The following TANC2 variants were observed in gnomAD, a reference collection of about 807,000 sequenced individuals.
The protein encoded by TANC2 is protein TANC2.
TANC2 carries 26 observed loss-of-function variants against 210.5 expected under a neutral mutation model. That is an observed-to-expected ratio of 0.12 (90% CI 0.09 to 0.17). The LOEUF is 0.17. Among genes scored for constraint, TANC2 ranks in the 10% least tolerant of loss-of-function variants. The pLI, the probability that TANC2 is intolerant of heterozygous loss-of-function variation, is 1.00. For missense variants in TANC2, 2,129 were observed against 2,608.9 expected (o/e 0.82, Z 4.01); for synonymous variants, 931 against 967.1 (o/e 0.96, Z 0.69).
At position 62,998,630 on chromosome 17, in the gene TANC2, A is replaced by G. The variant is rs140756727; in HGVS notation, c.-23-10907A>G. ...TCTTAAAGAAAAGAAATTCTAACCA[A>G]ACATTTCCTATGTAGCCAAACTAAG... is the stretch of plus-strand genomic sequence containing the variant. On this transcript the variant is annotated intron_variant, in intron 1 of 27. Coordinates refer to ENST00000689528, the Ensembl canonical transcript of TANC2. Among the ~76,000 whole-genome samples the G allele has an allele frequency of 1.2e-3, 187 of 152,330 alleles. 2 individuals carry two copies. Among genetic ancestry groups the G allele is most frequent in the Non-Finnish European group, 1.6e-4 (11 of 68,020 alleles).
At chr17:63,259,777 G>C (rs2043303249) in intron 8 of TANC2, among the ~76,000 whole-genome samples, 1 of 152,006 alleles carries the variant, frequency 6.6e-6, no homozygotes, top group African/African-American at 2.4e-5. Context: ...GATTTTATTT[G>C]AATTTTGCTT....
chr17:63,300,036 A>C (rs1308558755), intron 9 of TANC2, among the ~76,000 whole-genome samples: 3 of 152,076 alleles, frequency 2.0e-5, no homozygotes, highest in African/African-American at 7.2e-5. Context: ...TTATTAAATA[A>C]GGAGTCCTTT....
intron 14 of TANC2, among the ~76,000 whole-genome samples, chr17:63,370,128 C>G (rs2047221671): frequency 6.6e-6 from 1 of 151,914 alleles, no homozygotes; most frequent in African/African-American, 2.4e-5. Flanking sequence ...TGTTTCTGCC[C>G]ATTTTCACTG....
intron 3 of TANC2, among the ~76,000 whole-genome samples, chr17:63,098,485 C>CACA (rs1491274728): frequency 4.1e-5 from 3 of 73,598 alleles, no homozygotes; most frequent in Non-Finnish European, 7.4e-5. Context: ...CACACATACA[C>CACA]TCTCTCTCTC....
intron 2 of TANC2, among the ~76,000 whole-genome samples, chr17:63,021,478 T>C (rs1355256702): frequency 6.6e-6 from 1 of 152,214 alleles, no homozygotes; most frequent in Non-Finnish European, 1.5e-5. Context: ...CAAATGTGCC[T>C]GCTTGACCTT....
intron 13 of TANC2, among the ~76,000 whole-genome samples, chr17:63,351,661 A>G (rs1353654160): frequency 2.0e-5 from 3 of 152,168 alleles, no homozygotes; most frequent in African/African-American, 7.2e-5. Flanking sequence ...TCAAAATAGC[A>G]TGAAAAGAAA....
rs779654816 is a variant in TANC2 at position 63,420,471 on chromosome 17, C to T, written c.4741C>T (p.His1581Tyr). 8.1e-6 allele frequency: 13 copies of T among 1,614,012 alleles called. No homozygotes were observed. In the South Asian group the frequency reaches 1.4e-4, roughly 18 times the overall value. Reference sequence around the variant, plus strand: ...CCTTTCTCCAACTCATCAGAACTCACATTACAGGCCTAGCCCACCACACAC... The same window carrying T: ...CCTTTCTCCAACTCATCAGAACTCATATTACAGGCCTAGCCCACCACACAC... Residue 1581 changes from histidine (H) to tyrosine (Y), a missense_variant, in exon 28 of 28, where the codon CAT (histidine) becomes TAT (tyrosine). Coordinates refer to ENST00000689528, the Ensembl canonical transcript of TANC2. This position sits in a 1 kb window ranked among gnomAD's most constrained non-coding sequence, Gnocchi z 4.2.
At chr17:63,204,258 A>C (rs1598600855) in intron 7 of TANC2, among the ~76,000 whole-genome samples, 1 of 152,230 alleles carries the variant, frequency 6.6e-6, no homozygotes, top group East Asian at 1.9e-4. Context: ...CAAAGAATAA[A>C]ATAGGAATAA....
chr17:63,239,843 G>A (rs765299920), intron 8 of TANC2, among the ~76,000 whole-genome samples: 1 of 152,126 alleles, frequency 6.6e-6, no homozygotes, highest in East Asian at 1.9e-4. Context: ...TTCTGAGGAG[G>A]CCTCAGAGAG....
chr17:63,391,484 A>T (rs1031307346), intron 17 of TANC2: 1 of 152,218 alleles, frequency 6.6e-6, no homozygotes, highest in Non-Finnish European at 1.5e-5. Flanking sequence ...AAGGGTGTTA[A>T]AAGAGTCAGT....
At chr17:63,415,744 T>G (rs965788567) in intron 26 of TANC2, 70 bp downstream of exon 26, 1 of 1,553,238 alleles carries the variant, frequency 6.4e-7, no homozygotes, top group African/African-American at 1.4e-5. Context: ...TCACTAGCTT[T>G]TACCAGGCCC....
intron 15 of TANC2, among the ~76,000 whole-genome samples, chr17:63,385,287 C>T (rs187996934): frequency 7.4e-4 from 113 of 152,216 alleles, no homozygotes; most frequent in African/African-American, 2.4e-3. Context: ...TCTCTGAATT[C>T]GTTAATATAG....
chr17:63,006,775 A>G (rs2033641655), intron 1 of TANC2, among the ~76,000 whole-genome samples: 1 of 151,998 alleles, frequency 6.6e-6, no homozygotes, highest in Non-Finnish European at 1.5e-5. Context: ...GTTCAAACAT[A>G]TCATAGTTTT....
intron 17 of TANC2, 90 bp downstream of exon 17, chr17:63,389,634 C>T: frequency 7.9e-7 from 1 of 1,264,272 alleles, no homozygotes; most frequent in South Asian, 1.3e-5. Flanking sequence ...CTTCATGAGT[C>T]TGGGTAGAGT....
chr17:63,280,783 A>T (rs533906307), intron 9 of TANC2, among the ~76,000 whole-genome samples: 1 of 152,078 alleles, frequency 6.6e-6, no homozygotes, highest in Non-Finnish European at 1.5e-5. Context: ...ATGCTTCTGG[A>T]ACTTCAGTAG....
chr17:63,346,844 TA>T (rs2046427431), intron 12 of TANC2, among the ~76,000 whole-genome samples: 1 of 151,500 alleles, frequency 6.6e-6, no homozygotes, highest in Non-Finnish European at 1.5e-5. Flanking sequence ...AACCGGGGGC[TA>T]CAGGCATACA....
chr17:63,058,925 T>C (rs927660503), intron 2 of TANC2, among the ~76,000 whole-genome samples: 11 of 152,210 alleles, frequency 7.2e-5, no homozygotes, highest in Non-Finnish European at 1.5e-5. Flanking sequence ...ATTTGGGCTC[T>C]TTTTGGGTTT....
At chr17:63,045,718 C>G (rs548912058) in intron 2 of TANC2, among the ~76,000 whole-genome samples, 186 of 152,198 alleles carry the variant, frequency 1.2e-3, no homozygotes, top group Non-Finnish European at 2.2e-3. Context: ...TCCCAGCTTT[C>G]TCATGTACTA....
intron 4 of TANC2, among the ~76,000 whole-genome samples, chr17:63,121,932 A>G (rs2038495682): frequency 7.4e-6 from 1 of 136,018 alleles, no homozygotes; most frequent in Non-Finnish European, 1.5e-5. Flanking sequence ...GTACCACTGC[A>G]CTGTAGCCTG....
Sources: allele counts gnomAD v4.1 joint callset (sites outside exome capture counted in the v4.1 genomes callset), GRCh38; gene constraint gnomAD v4.1.1; non-coding constraint Gnocchi (gnomAD v3.1); transcripts MANE v1.5; gene names NCBI Gene and HGNC (gene_info 2026-07-23, HGNC 2026-07-21).